Variants in ADORA1 observed in about 807,000 individuals in gnomAD.
ADORA1 encodes the protein adenosine receptor A1.
Under a neutral mutation model 19.9 loss-of-function variants are expected in ADORA1, and 6 were observed. The observed-to-expected ratio is 0.30, with a 90% CI of 0.17 to 0.59. The LOEUF (loss-of-function observed/expected upper bound fraction) is 0.59. ADORA1 is among the 20% of genes least tolerant of loss of function. The pLI, the probability that ADORA1 is intolerant of heterozygous loss-of-function variation, is 0.87. For synonymous variants in ADORA1, 194 were observed against 188.4 expected (o/e 1.03, Z -0.24); for missense variants, 302 against 439.2 (o/e 0.69, Z 2.79).
intron 3 of ADORA1, among the ~76,000 whole-genome samples, chr1:203,155,214 G>C (rs956701629): frequency 2.6e-5 from 4 of 151,992 alleles, no homozygotes; most frequent in African/African-American, 9.7e-5. Context: ...GCCAGTTTTT[G>C]TATTTTTAGT....
At chr1:203,133,496 C>T (rs1032492242) in intron 3 of ADORA1, among the ~76,000 whole-genome samples, 1 of 152,200 alleles carries the variant, frequency 6.6e-6, no homozygotes, top group Non-Finnish European at 1.5e-5. Context: ...TTGTCAGGGG[C>T]AGAAGCAGGA....
chr1:203,156,593 G>A (rs1259815176), intron 3 of ADORA1, among the ~76,000 whole-genome samples: 1 of 152,184 alleles, frequency 6.6e-6, no homozygotes, highest in Non-Finnish European at 1.5e-5. Context: ...GAATGACAGT[G>A]CCCTCTGCTC....
At chr1:203,150,924 A>T (rs1346533124) in intron 3 of ADORA1, 1 of 734,816 alleles carries the variant, frequency 1.4e-6, no homozygotes, top group African/African-American at 1.9e-5. Flanking sequence ...AGAGCACAGC[A>T]TCCCAATCTC....
Position 203,166,027 on chromosome 1 carries a change from C to A in ADORA1, c.*127C>A. The A allele has an allele frequency of 7.9e-7, 1 of 1,260,228 alleles. No individual in the cohort carries two copies. The highest frequency in any genetic ancestry group is 1.1e-6 in the Non-Finnish European group (1 of 943,624). The allele number at this position is 1,260,228 out of a possible 1,614,324, so 78.1% of individuals were successfully genotyped here. On this transcript the variant is annotated 3_prime_UTR_variant, in exon 4 of 4. Coordinates refer to ENST00000337894, the MANE Select transcript of ADORA1 (RefSeq NM_000674.3). ...CTGTTGGCTGGGGGCATGGGGGAGG[C>A]TCTGAAGAGATACCCACAGAGTGTG...
intron 3 of ADORA1, chr1:203,145,017 C>T (rs1269491076): frequency 6.6e-6 from 1 of 152,206 alleles, no homozygotes. Context: ...CCCAGCCATC[C>T]CCAAGGCATG....
chr1:203,157,249 T>G (rs1655225459), intron 3 of ADORA1, among the ~76,000 whole-genome samples: 1 of 152,330 alleles, frequency 6.6e-6, no homozygotes, highest in Non-Finnish European at 1.5e-5. Flanking sequence ...ACAAGTTACA[T>G]GCTTCCAAAA....
intron 3 of ADORA1, among the ~76,000 whole-genome samples, chr1:203,155,021 TA>T (rs1655153538): frequency 1.6e-5 from 1 of 63,014 alleles, no homozygotes; most frequent in African/African-American, 4.2e-5. Flanking sequence ...TCCTATTTAT[TA>T]TTATTATTAT....
rs1195476757 is a variant in ADORA1 at position 203,165,690 on chromosome 1, C to T, written c.771C>T (p.Thr257=). The T allele has an allele frequency of 1.1e-5, 18 of 1,610,792 alleles. No individual in the cohort carries two copies. The highest frequency in any genetic ancestry group is 1.4e-5 in the Non-Finnish European group (17 of 1,178,012). The change falls in exon 4 of 4, where the codon ACC becomes ACT. Residue 257 remains threonine (T), a synonymous_variant. Transcript: ENST00000337894. This position sits in a 1 kb window ranked among gnomAD's most constrained non-coding sequence, Gnocchi z 5.9. ...CTTTGCACATCCTCAACTGCATCAC[C>T]CTCTTCTGCCCGTCCTGCCACAAGC... The part of the protein sequence containing the change: ...WLPLHILNCI[T]LFCPSCHKPS...
chr1:203,139,189 A>G (rs962834799), intron 3 of ADORA1, among the ~76,000 whole-genome samples: 3 of 152,240 alleles, frequency 2.0e-5, no homozygotes, highest in African/African-American at 7.2e-5. Flanking sequence ...CCAGCAGAGA[A>G]TAAAACACTA....
chr1:203,134,002 C>A (rs1420659399), intron 3 of ADORA1, among the ~76,000 whole-genome samples: 1 of 152,182 alleles, frequency 6.6e-6, no homozygotes, highest in African/African-American at 2.4e-5. Context: ...TCAGGTCATG[C>A]CTTCTGCTTT....
At chr1:203,134,504 G>A (rs1654442236) in intron 3 of ADORA1, among the ~76,000 whole-genome samples, 1 of 152,188 alleles carries the variant, frequency 6.6e-6, no homozygotes, top group Non-Finnish European at 1.5e-5. Flanking sequence ...AAGTGTGAAA[G>A]CTTCCCCCAG....
At chr1:203,130,217 G>T (rs922440690) in intron 3 of ADORA1, among the ~76,000 whole-genome samples, 1 of 152,198 alleles carries the variant, frequency 6.6e-6, no homozygotes, top group Non-Finnish European at 1.5e-5. Flanking sequence ...CCCTTGCCCG[G>T]GCAGGCCTAG....
Position 203,128,191 on chromosome 1 carries a change from C to A in ADORA1, c.-212-87C>A. On this transcript the variant is annotated intron_variant, in intron 1 of 3. Transcript: ENST00000337894. The surrounding 1 kb of genome is among the most constrained non-coding windows in gnomAD (Gnocchi z 5.9). ...TCCGTCCCCAGACCCACGTCTGCCA[C>A]CCCAGTCCCAGGTGCGAAACAGGGG... The A allele has an allele frequency of 1.8e-6, 1 of 554,272 alleles. No individual in the cohort carries two copies. Among genetic ancestry groups the A allele is most frequent in the South Asian group, 1.9e-5 (1 of 52,296 alleles). 34.3% of individuals were successfully genotyped at this position (554,272 alleles called of 1,614,324 possible). A position where few individuals can be genotyped will look rare whatever the true frequency, so the allele number is the denominator to read the frequency against.
chr1:203,157,477 C>T (rs1331033561), intron 3 of ADORA1, among the ~76,000 whole-genome samples: 1 of 152,222 alleles, frequency 6.6e-6, no homozygotes, highest in African/African-American at 2.4e-5. Context: ...GGATTGGAGT[C>T]TCATGCCTGC....
intron 3 of ADORA1, among the ~76,000 whole-genome samples, chr1:203,137,362 C>T (rs1053142973): frequency 6.6e-6 from 1 of 152,070 alleles, no homozygotes; most frequent in Non-Finnish European, 1.5e-5. Flanking sequence ...GGGTCACTGG[C>T]CCAGGTACAG....
intron 3 of ADORA1, chr1:203,150,518 A>T (rs1291650812): frequency 1.9e-6 from 2 of 1,041,976 alleles, no homozygotes; most frequent in Non-Finnish European, 2.5e-6. Context: ...TCAATGGAAA[A>T]CTGCTGGGTC....
chr1:203,161,024 C>T (rs576482049), intron 3 of ADORA1, among the ~76,000 whole-genome samples: 1 of 152,328 alleles, frequency 6.6e-6, no homozygotes, highest in East Asian at 1.9e-4. Flanking sequence ...TATTTGGACA[C>T]AGGATTTGCA....
Position 203,165,388 on chromosome 1 carries a change from G to T in ADORA1, c.469G>T (p.Ala157Ser). ...NNLSAVERAW[A>S]ANGSMGEPVI... ...TCTGAGTGCGGTGGAGCGGGCCTGG[G>T]CAGCCAACGGCAGCATGGGGGAGCC... The change falls in exon 4 of 4, where the codon GCA (alanine) becomes TCA (serine). Residue 157 changes from alanine to serine, a missense_variant. Transcript: ENST00000337894. This position sits in a 1 kb window ranked among gnomAD's most constrained non-coding sequence, Gnocchi z 5.9. The T allele has an allele frequency of 1.2e-6, 2 of 1,606,890 alleles. No individual in the cohort carries two copies.
At position 203,128,285 on chromosome 1, in the gene ADORA1, T is replaced by A; in HGVS notation, c.-205T>A. Reference sequence around the variant, plus strand: ...CATGTGATTGCTTGAAAGGCCGGGCTGGGAGCGCTGCGGCGGGAGCCGGAG... The same window carrying A: ...CATGTGATTGCTTGAAAGGCCGGGCAGGGAGCGCTGCGGCGGGAGCCGGAG... On this transcript the variant is annotated 5_prime_UTR_variant, in exon 2 of 4. Coordinates refer to ENST00000337894, the MANE Select transcript of ADORA1 (RefSeq NM_000674.3). The surrounding 1 kb of genome is among the most constrained non-coding windows in gnomAD (Gnocchi z 5.9). The A allele has an allele frequency of 1.6e-6, 2 of 1,270,656 alleles. No homozygotes were observed. The highest frequency in any genetic ancestry group is 2.1e-6 in the Non-Finnish European group (2 of 974,442). 78.7% of individuals were successfully genotyped at this position (1,270,656 alleles called of 1,614,324 possible).
Sources: gnomAD v4.1 joint callset for allele counts (sites outside exome capture counted in the v4.1 genomes callset) on GRCh38, gnomAD v4.1.1 for gene constraint, Gnocchi (gnomAD v3.1) non-coding constraint, MANE v1.5 for transcripts, NCBI Gene and HGNC (gene_info 2026-07-23, HGNC 2026-07-21) for gene names.